VAV3: variants seen among roughly 807,000 people sequenced by gnomAD.
The protein encoded by VAV3 is vav guanine nucleotide exchange factor 3, also known as guanine nucleotide exchange factor VAV3.
A neutral mutation model predicts 131.2 loss-of-function variants in VAV3; 94 were observed. That is an observed-to-expected ratio of 0.72 (90% CI 0.61 to 0.85). VAV3 has a LOEUF of 0.85. Among genes scored for constraint, VAV3 ranks in the 40% least tolerant of loss-of-function variants. The pLI, the probability that VAV3 is intolerant of heterozygous loss-of-function variation, is 0.00. For missense variants in VAV3, 939 were observed against 1,002.7 expected (o/e 0.94, Z 0.86); for synonymous variants, 349 against 342.0 (o/e 1.02, Z -0.22).
intron 19 of VAV3, among the ~76,000 whole-genome samples, chr1:107,666,432 G>A (rs934779688): frequency 2.0e-5 from 3 of 152,192 alleles, no homozygotes; most frequent in African/African-American, 7.2e-5. Context: ...TCAGGACTGT[G>A]ATGGCCATTA....
chr1:107,623,977 T>G (rs1372375717), intron 20 of VAV3, among the ~76,000 whole-genome samples: 2 of 152,134 alleles, frequency 1.3e-5, no homozygotes, highest in Non-Finnish European at 2.9e-5. Context: ...TACCTTCAAT[T>G]TGTATGGGTT....
chr1:107,636,604 T>C (rs1227526967), intron 20 of VAV3, among the ~76,000 whole-genome samples: 2 of 152,212 alleles, frequency 1.3e-5, no homozygotes, highest in Non-Finnish European at 2.9e-5. Flanking sequence ...AAGTTTATTT[T>C]ATAATAAAAT....
At chr1:107,959,616 C>T (rs1433390671) in intron 1 of VAV3, among the ~76,000 whole-genome samples, 1 of 152,194 alleles carries the variant, frequency 6.6e-6, no homozygotes, top group African/African-American at 2.4e-5. Context: ...AGGTTCTCCC[C>T]ATCTCTCTGC....
chr1:107,953,844 T>C (rs1239700851), intron 1 of VAV3, among the ~76,000 whole-genome samples: 2 of 152,238 alleles, frequency 1.3e-5, no homozygotes, highest in African/African-American at 4.8e-5. Flanking sequence ...AAGTGTATCA[T>C]TAAATATTCC....
intron 1 of VAV3, among the ~76,000 whole-genome samples, chr1:107,876,190 C>T (rs1054487985): frequency 9.9e-5 from 15 of 152,120 alleles, no homozygotes; most frequent in Admixed American, 4.6e-4. Flanking sequence ...ATATCAGATG[C>T]TGCAGACGGC....
chr1:107,889,324 A>G (rs1417113414), intron 1 of VAV3, among the ~76,000 whole-genome samples: 3 of 152,158 alleles, frequency 2.0e-5, no homozygotes, highest in African/African-American at 7.2e-5. Context: ...GACTATCACT[A>G]CCCAGAGTTG....
intron 4 of VAV3, among the ~76,000 whole-genome samples, chr1:107,773,976 A>C (rs994058952): frequency 6.6e-6 from 1 of 152,182 alleles, no homozygotes; most frequent in Non-Finnish European, 1.5e-5. Context: ...CCTGCAAAAA[A>C]GTCAACCTTG....
At chr1:107,678,096 A>G (rs1234929792) in intron 19 of VAV3, 1 of 152,090 alleles carries the variant, frequency 6.6e-6, no homozygotes, top group African/African-American at 2.4e-5. Context: ...CTTATTGTCC[A>G]TGGTTTCATA....
At chr1:107,679,799 G>A (rs774777221) in intron 19 of VAV3, among the ~76,000 whole-genome samples, 11 of 152,112 alleles carry the variant, frequency 7.2e-5, no homozygotes, top group Non-Finnish European at 1.3e-4. Context: ...TAGCACCTCC[G>A]TGTTCCTGAA....
intron 15 of VAV3, among the ~76,000 whole-genome samples, chr1:107,739,739 C>T (rs1662894698): frequency 6.6e-6 from 1 of 152,152 alleles, no homozygotes; most frequent in African/African-American, 2.4e-5. Context: ...CCTCCAGTTT[C>T]CAAACAGACA....
Position 107,937,521 on chromosome 1 carries a change from A to G in VAV3, c.204+27145T>C, listed in dbSNP as rs148254747. Among the ~76,000 whole-genome samples, 4 of 152,348 alleles carry G rather than the reference A, an allele frequency of 2.6e-5. No individual in the cohort carries two copies. In the East Asian group the frequency reaches 7.7e-4, roughly 29 times the overall value. On this transcript the variant is annotated intron_variant, in intron 1 of 26. Coordinates refer to ENST00000370056, the MANE Select transcript of VAV3 (RefSeq NM_006113.5). Reference sequence around the variant, plus strand: ...CCATTGGTATCCTCTACTATTTGAGATAAGTACAAAACATTCAATGAATGT... The same window carrying G: ...CCATTGGTATCCTCTACTATTTGAGGTAAGTACAAAACATTCAATGAATGT...
chr1:107,774,913 C>CTTT (rs375088872), intron 4 of VAV3, among the ~76,000 whole-genome samples: 12,912 of 130,502 alleles, frequency 0.099, 797 homozygotes, highest in East Asian at 0.27. Flanking sequence ...AATACATTTG[C>CTTT]TTTTTTTTTT....
intron 2 of VAV3, among the ~76,000 whole-genome samples, chr1:107,813,489 C>T (rs972748708): frequency 1.3e-5 from 2 of 152,148 alleles, no homozygotes; most frequent in African/African-American, 2.4e-5. Context: ...TTTATTGATA[C>T]ATAGTATTTT....
At position 107,608,304 on chromosome 1, in the gene VAV3, C is replaced by A. The variant is rs1175307761; in HGVS notation, c.2015+1627G>T. On this transcript the variant is annotated intron_variant, in intron 22 of 26. Coordinates refer to ENST00000370056, the MANE Select transcript of VAV3 (RefSeq NM_006113.5). ...AAATCCATGCAGTTTGAGGTATTAG[C>A]ATTTTATCTCTCAAATCATTACCTT... 2.6e-5 allele frequency among the ~76,000 whole-genome samples: 4 copies of A among 152,124 alleles called. No homozygotes were observed. In the East Asian group the frequency reaches 5.8e-4, roughly 22 times the overall value.
At chr1:107,790,679 C>CTTT (rs145926469) in intron 2 of VAV3, among the ~76,000 whole-genome samples, 1,035 of 69,848 alleles carry the variant, frequency 0.015, 146 homozygotes, top group African/African-American at 0.037. Flanking sequence ...AAATGTCTTC[C>CTTT]TTTTTTTTTT....
chr1:107,837,888 C>T (rs1364242720), intron 2 of VAV3, among the ~76,000 whole-genome samples: 1 of 152,084 alleles, frequency 6.6e-6, no homozygotes, highest in East Asian at 1.9e-4. Context: ...AAAATCAACT[C>T]GAGATGGATT....
intron 25 of VAV3, among the ~76,000 whole-genome samples, chr1:107,583,173 G>GCATTTTTTCTCAC (rs1553259930): frequency 6.6e-6 from 1 of 152,104 alleles, no homozygotes; most frequent in Non-Finnish European, 1.5e-5. Flanking sequence ...GTGATGGTGA[G>GCATTTTTTCTCAC]CATTTTTTCA....
chr1:107,931,986 AT>A, intron 1 of VAV3, among the ~76,000 whole-genome samples: 1 of 152,326 alleles, frequency 6.6e-6, no homozygotes, highest in East Asian at 1.9e-4. Flanking sequence ...CAGCTAATAA[AT>A]GTTTTTCTTA....
chr1:107,674,068 C>G (rs754295108), intron 19 of VAV3, among the ~76,000 whole-genome samples: 7 of 152,176 alleles, frequency 4.6e-5, no homozygotes, highest in African/African-American at 1.7e-4. Flanking sequence ...AAAGCCAACA[C>G]TGCAAAATAA....
Sources: allele counts gnomAD v4.1 joint callset (sites outside exome capture counted in the v4.1 genomes callset), GRCh38; gene constraint gnomAD v4.1.1; transcripts MANE v1.5; gene names NCBI Gene and HGNC (gene_info 2026-07-23, HGNC 2026-07-21).